Variants in ATAD3C observed in about 807,000 individuals in gnomAD.
The protein encoded by ATAD3C is ATPase family AAA domain-containing protein 3C.
ATAD3C carries 38 observed loss-of-function variants against 46.3 expected under a neutral mutation model. The observed-to-expected ratio is 0.82, with a 90% confidence interval of 0.63 to 1.08. The LOEUF (loss-of-function observed/expected upper bound fraction) is 1.08, where lower values mean the gene tolerates loss of function less well. ATAD3C is among the 50% of genes least tolerant of loss of function. The probability of loss-of-function intolerance (pLI) is 0.00; values close to 1 mark genes in which losing one functional copy is unlikely to be tolerated. For missense variants in ATAD3C, 563 were observed against 572.7 expected (o/e 0.98, Z 0.17); for synonymous variants, 220 against 236.4 (o/e 0.93, Z 0.63).
rs767801504 is a variant in ATAD3C at position 1,459,279 on chromosome 1, C to G, written c.812+48C>G. ...GGGCCCCCGGGCAGGGCTGTGCAGC[C>G]GTCACCCTTGGTTCCCACCGAGGGA... On this transcript the variant is annotated intron_variant, in intron 9 of 11. Coordinates refer to ENST00000378785, the MANE Select transcript of ATAD3C (RefSeq NM_001039211.3). This position sits in a 1 kb window ranked among gnomAD's most constrained non-coding sequence, Gnocchi z 4.9. 8.1e-6 allele frequency: 13 copies of G among 1,604,144 alleles called. No individual in the cohort carries two copies. Among genetic ancestry groups the G allele is most frequent in the Non-Finnish European group, 1.0e-5 (12 of 1,179,620 alleles).
chr1:1,462,969 G>A lies in ATAD3C; in HGVS notation c.1089+261G>A, dbSNP rs563452963. On this transcript the variant is annotated intron_variant, in intron 11 of 11. Transcript: ENST00000378785. This position sits in a 1 kb window ranked among gnomAD's most constrained non-coding sequence, Gnocchi z 4.5. ...AGCCAGTGCGGCCTCCTAGTAGCCC[G>A]GGCTCTGCCAGGTGGGGCGGGAGGC... is the stretch of plus-strand genomic sequence containing the variant. Among the ~76,000 whole-genome samples the A allele has an allele frequency of 2.3e-4, 35 of 152,104 alleles. No individual in the cohort carries two copies. The highest frequency in any genetic ancestry group is 4.0e-4 in the Non-Finnish European group (27 of 67,994).
intron 11 of ATAD3C, among the ~76,000 whole-genome samples, chr1:1,464,586 C>G (rs1639118821): frequency 6.6e-6 from 1 of 151,860 alleles, no homozygotes; most frequent in African/African-American, 2.4e-5. Context: ...GCCTGGCCAA[C>G]ATGGTGAAAC....
rs963117511 is a variant in ATAD3C, at chr1:1,450,341, A to G, written c.-343A>G. 1 of 222,410 alleles carries G rather than the reference A, an allele frequency of 4.5e-6. No homozygotes were observed. 13.8% of individuals were successfully genotyped at this position (222,410 alleles called of 1,614,324 possible). On this transcript the variant is annotated 5_prime_UTR_variant, in exon 1 of 12. Transcript: ENST00000378785. The stretch of plus-strand genomic sequence containing the variant: ...CCGTCTCAAAAAAAAAAAAAAAAAA[A>G]GCATGTGTAACGTGAAAAAATGGAC...
rs530015200 is a variant in ATAD3C at position 1,450,806 on chromosome 1, C to T, written c.75+48C>T. On this transcript the variant is annotated intron_variant, in intron 1 of 11. Transcript: ENST00000378785. ...GGGAGGCCGGGGCACACATGGGGTTCGGGCGTGGAGATTGGTAGGGCTACT... is the reference window on the plus strand; with the variant it reads ...GGGAGGCCGGGGCACACATGGGGTTTGGGCGTGGAGATTGGTAGGGCTACT... 87 of 1,607,550 alleles carry T rather than the reference C, an allele frequency of 5.4e-5. 2 individuals carry two copies. The highest frequency in any genetic ancestry group is 7.0e-5 in the Non-Finnish European group (83 of 1,177,482).
At chr1:1,455,718 T>G in intron 5 of ATAD3C, 73 bp from the exon 6 acceptor site, 1 of 1,595,940 alleles carries the variant, frequency 6.3e-7, no homozygotes, top group Non-Finnish European at 8.5e-7. Flanking sequence ...CACCCAGGCA[T>G]TCTCGCAGCC....
intron 3 of ATAD3C, among the ~76,000 whole-genome samples, chr1:1,452,821 AAAGAAAG>A (rs1318803503): frequency 2.1e-4 from 27 of 131,312 alleles, no homozygotes; most frequent in South Asian, 8.1e-4. Flanking sequence ...AGAAAGAAAG[AAAGAAAG>A]AAAAAACAGA....
In ATAD3C at chr1:1,462,654, G is replaced by T; in HGVS notation, c.1035G>T (p.Arg345=). 1 of 1,607,142 alleles carries T rather than the reference G, an allele frequency of 6.2e-7. No homozygotes were observed. The change falls in exon 11 of 12, where the codon CGG becomes CGT. Residue 345 remains arginine, a synonymous_variant. Transcript: ENST00000378785. The surrounding 1 kb of genome is among the most constrained non-coding windows in gnomAD (Gnocchi z 4.5). ...GGAGGAAGTGCTTAGAGATCGCTCG[G>T]CTGACAGAGGGCATGTCATGCCGGA... ...DYGRKCLEIA[R]LTEGMSCRKI... is the part of the protein sequence containing the mutation.
In ATAD3C at chr1:1,462,653, G is replaced by A. The variant is rs373867360; in HGVS notation, c.1034G>A (p.Arg345Gln). The A allele has an allele frequency of 7.5e-6, 12 of 1,606,980 alleles. No homozygotes were observed. The highest frequency in any genetic ancestry group is 4.0e-5 in the African/African-American group (3 of 74,866). The stretch of plus-strand genomic sequence containing the variant: ...GGGAGGAAGTGCTTAGAGATCGCTC[G>A]GCTGACAGAGGGCATGTCATGCCGG... Reference protein sequence around the residue: ...DYGRKCLEIARLTEGMSCRKI... With the variant: ...DYGRKCLEIAQLTEGMSCRKI... The change falls in exon 11 of 12, where the codon CGG (arginine) becomes CAG (glutamine). Residue 345 changes from arginine to glutamine, a missense_variant. This residue lies in a region of ATAD3C where 273 missense variants were observed against 253.5 expected (regional missense o/e 1.08). Transcript: ENST00000378785. This position sits in a 1 kb window ranked among gnomAD's most constrained non-coding sequence, Gnocchi z 4.5.
intron 8 of ATAD3C, among the ~76,000 whole-genome samples, chr1:1,457,613 A>C (rs1278403474): frequency 4.7e-5 from 6 of 126,680 alleles, no homozygotes; most frequent in Non-Finnish European, 9.0e-5. Context: ...AAAAAAAAAA[A>C]ACAAAAAAAA....
Position 1,460,860 on chromosome 1 carries a change from G to T in ATAD3C, c.923G>T (p.Arg308Leu). ...CTGCCAGGGCAGGAGGAGCGGGCGCGCCTGGTGAGAATGTATCTTAACGAG... is the reference window on the plus strand; with the variant it reads ...CTGCCAGGGCAGGAGGAGCGGGCGCTCCTGGTGAGAATGTATCTTAACGAG... ...FDLPGQEERARLVRMYLNEYV... is the reference protein window; with the variant it reads ...FDLPGQEERALLVRMYLNEYV... The change falls in exon 10 of 12, where the codon CGC becomes CTC. Residue 308 changes from arginine to leucine, a missense_variant. Arg to Leu is a moderately radical substitution (Grantham distance 102). Transcript: ENST00000378785. 1 of 1,613,062 alleles carries T rather than the reference G, an allele frequency of 6.2e-7. No individual in the cohort carries two copies. Among genetic ancestry groups the T allele is most frequent in the Non-Finnish European group, 8.5e-7 (1 of 1,179,454 alleles).
rs142968250 is a variant in ATAD3C, at chr1:1,453,061, G to A, written c.222+627G>A. 7.1e-3 allele frequency among the ~76,000 whole-genome samples: 1,082 copies of A among 152,152 alleles called. 14 individuals are homozygous for A. Among genetic ancestry groups the A allele is most frequent in the African/African-American group, 0.025 (1,029 of 41,556 alleles). ...GCACTGAGTGGGCACTTGCTCTGCC[G>A]TGGTGCCAGCACCCAGAGCTGTGAC... On this transcript the variant is annotated intron_variant, in intron 3 of 11. Transcript: ENST00000378785.
chr1:1,452,397 G>C lies in ATAD3C; in HGVS notation c.185G>C (p.Arg62Pro), dbSNP rs376231836. The change falls in exon 3 of 12, where the codon CGT becomes CCT. Residue 62 changes from arginine (R) to proline (P), a missense_variant. Arg to Pro is a moderately radical substitution (Grantham distance 103). Around this residue, in one of 3 missense-constraint regions of ATAD3C, gnomAD observed 263 missense variants for 243.1 expected, o/e 1.08. Transcript: ENST00000378785. The stretch of plus-strand genomic sequence containing the variant: ...GGCACCTTGTTTGGGGAAGGATTCC[G>C]TGCCTTTGTGACAGACCGGGACAAA... ...AAGTLFGEGF[R>P]AFVTDRDKVT... 7.4e-6 allele frequency: 12 copies of C among 1,613,782 alleles called. No homozygotes were observed. The highest frequency in any genetic ancestry group is 9.3e-6 in the Non-Finnish European group (11 of 1,179,762).
intron 11 of ATAD3C, among the ~76,000 whole-genome samples, chr1:1,464,703 G>A (rs375779826): frequency 2.6e-5 from 4 of 151,916 alleles, no homozygotes; most frequent in East Asian, 1.9e-4. Context: ...CCCTGGAGGC[G>A]GAGGTTCCAG....
At chr1:1,468,290 C>G in intron 11 of ATAD3C, 94 bp from the exon 12 acceptor site, 1 of 1,485,862 alleles carries the variant, frequency 6.7e-7, no homozygotes, top group East Asian at 2.5e-5. Flanking sequence ...CCTGGAGCCC[C>G]TGGTTTGGTC....
At chr1:1,455,386 G>C (rs188324456) in intron 4 of ATAD3C, 74 bp from the exon 5 acceptor site, 3 of 1,574,892 alleles carry the variant, frequency 1.9e-6, no homozygotes, top group African/African-American at 1.4e-5. Context: ...GCGTGTTACC[G>C]AGCTTGTGTG....
In ATAD3C at chr1:1,469,655, C is replaced by A. The variant is rs1300444833; in HGVS notation, c.*1125C>A. ...CTTCCTAAAGTGTTGGGATTACAGG[C>A]TTGAGCCACCGTGCCTGGTCTGTTT... is the stretch of plus-strand genomic sequence containing the variant. On this transcript the variant is annotated 3_prime_UTR_variant, in exon 12 of 12. Transcript: ENST00000378785. 2.0e-5 allele frequency: 3 copies of A among 150,304 alleles called. No homozygotes were observed. The highest frequency in any genetic ancestry group is 7.4e-5 in the African/African-American group (3 of 40,792). The allele number at this position is 150,304 out of a possible 1,614,324, so 9.3% of individuals were successfully genotyped here.
At chr1:1,456,047 G>C in intron 6 of ATAD3C, 131 bp downstream of exon 6, 9 of 1,500,958 alleles carry the variant, frequency 6.0e-6, no homozygotes, top group Non-Finnish European at 8.0e-6. Context: ...GTAGGCTCAG[G>C]GTGCTGGTGT....
chr1:1,457,535 G>A (rs1024683455), intron 8 of ATAD3C, among the ~76,000 whole-genome samples: 3 of 141,980 alleles, frequency 2.1e-5, no homozygotes, highest in African/African-American at 5.4e-5. Context: ...GGCGAAGCTT[G>A]CAGTGAGCCG....
chr1:1,454,321 G>A (rs1031045098), intron 3 of ATAD3C, 24 bp from the exon 4 acceptor site: 9 of 1,588,424 alleles, frequency 5.7e-6, no homozygotes, highest in Admixed American at 3.5e-5. Context: ...GGGCCGGTGC[G>A]CCAGTGCGGT....
Sources: allele counts gnomAD v4.1 joint callset (sites outside exome capture counted in the v4.1 genomes callset), GRCh38; gene constraint gnomAD v4.1.1; regional missense constraint gnomAD v4.1.1; non-coding constraint Gnocchi (gnomAD v3.1); transcripts MANE v1.5; gene names NCBI Gene and HGNC (gene_info 2026-07-23, HGNC 2026-07-21).